Variants in EEF1E1 observed in about 807,000 individuals in gnomAD.
The protein encoded by EEF1E1 is eukaryotic translation elongation factor 1 epsilon 1.
In EEF1E1, 19 loss-of-function variants were observed where a neutral mutation model predicts 19.9. The observed-to-expected ratio is 0.95, with a 90% CI of 0.66 to 1.40. EEF1E1 has a LOEUF of 1.40. Ranked by LOEUF, EEF1E1 falls within the 40% of genes most tolerant of loss-of-function variation. The pLI is 0.00. For missense variants in EEF1E1, 198 were observed against 202.2 expected (o/e 0.98, Z 0.13); for synonymous variants, 81 against 80.0 (o/e 1.01, Z -0.07).
chr6:8,086,009 G>C (rs1439878277), intron 3 of EEF1E1, among the ~76,000 whole-genome samples: 1 of 152,048 alleles, frequency 6.6e-6, no homozygotes, highest in East Asian at 1.9e-4. Context: ...TACACAGTGG[G>C]CTCTCAATAA....
intron 1 of EEF1E1, among the ~76,000 whole-genome samples, chr6:8,101,124 G>A (rs1185744622): frequency 6.8e-6 from 1 of 146,712 alleles, no homozygotes; most frequent in African/African-American, 2.5e-5. Context: ...TACTTGGGAG[G>A]CTGAAGCAGA....
At chr6:8,089,291 G>A (rs1034377330) in intron 3 of EEF1E1, among the ~76,000 whole-genome samples, 2 of 152,188 alleles carry the variant, frequency 1.3e-5, no homozygotes, top group Non-Finnish European at 2.9e-5. Flanking sequence ...AAAGAGCTAA[G>A]ATAAGCGGTG....
intron 1 of EEF1E1, 109 bp downstream of exon 1, chr6:8,102,326 G>A: frequency 8.7e-7 from 1 of 1,154,388 alleles, no homozygotes; most frequent in Admixed American, 2.8e-5. Flanking sequence ...GAGCTGGGTA[G>A]CAGCATCCTC....
downstream of EEF1E1, among the ~76,000 whole-genome samples, chr6:8,077,915 C>T (rs1457063221): frequency 1.1e-4 from 17 of 152,280 alleles, no homozygotes; most frequent in Middle Eastern, 3.4e-3. Flanking sequence ...CCTCAGCCTC[C>T]CAAGTAGCTG....
At chr6:8,094,883 C>T (rs1417864294) in intron 2 of EEF1E1, among the ~76,000 whole-genome samples, 2 of 152,080 alleles carry the variant, frequency 1.3e-5, no homozygotes, top group Admixed American at 6.5e-5. Context: ...AAACGTATTC[C>T]CTCCGCCTTA....
intron 3 of EEF1E1, among the ~76,000 whole-genome samples, chr6:8,087,599 C>T (rs914098664): frequency 7.9e-5 from 12 of 151,794 alleles, no homozygotes; most frequent in African/African-American, 2.2e-4. Flanking sequence ...GTGATCTGCC[C>T]GCCTTGGCCT....
At chr6:8,079,340 A>G, downstream of EEF1E1, 2 of 892,980 alleles carry the variant, frequency 2.2e-6, no homozygotes, top group South Asian at 1.0e-4. Context: ...GCAGTTCAGT[A>G]GTTAGTTTCA....
intron 1 of EEF1E1, chr6:8,101,816 C>G: frequency 3.1e-6 from 4 of 1,289,392 alleles, no homozygotes; most frequent in Non-Finnish European, 2.0e-6. Context: ...AACTGATAAT[C>G]CAAGGCTTTA....
At chr6:8,076,376 T>C (rs867501239), downstream of EEF1E1, among the ~76,000 whole-genome samples, 1 of 152,164 alleles carries the variant, frequency 6.6e-6, no homozygotes, top group Non-Finnish European at 1.5e-5. Flanking sequence ...CAGGCTGGAG[T>C]GCAGTGGCTT....
chr6:8,081,323 C>T (rs991938577), intron 3 of EEF1E1, among the ~76,000 whole-genome samples: 11 of 152,140 alleles, frequency 7.2e-5, no homozygotes, highest in African/African-American at 2.7e-4. Flanking sequence ...ACTGTCTCAC[C>T]TATAACATAG....
At chr6:8,086,224 A>G (rs947171011) in intron 3 of EEF1E1, among the ~76,000 whole-genome samples, 3 of 152,126 alleles carry the variant, frequency 2.0e-5, no homozygotes, top group Non-Finnish European at 1.5e-5. Flanking sequence ...TTGCGGGGTG[A>G]GGGGAAACTA....
At chr6:8,102,319 C>T in intron 1 of EEF1E1, 116 bp downstream of exon 1, 2 of 1,096,494 alleles carry the variant, frequency 1.8e-6, no homozygotes, top group South Asian at 1.6e-5. Context: ...ACGTGGGGAG[C>T]TGGGTAGCAG....
At chr6:8,080,538 A>G (rs142527995) in intron 3 of EEF1E1, among the ~76,000 whole-genome samples, 1,598 of 152,278 alleles carry the variant, frequency 0.01, 32 homozygotes, top group African/African-American at 0.036. Context: ...ATAAAGCTGA[A>G]CTCAATCTTT....
intron 1 of EEF1E1, among the ~76,000 whole-genome samples, chr6:8,099,808 C>T (rs1488288058): frequency 2.2e-5 from 3 of 136,404 alleles, no homozygotes; most frequent in Non-Finnish European, 4.8e-5. Context: ...AAAACAGAAC[C>T]CTCTATAATG....
downstream of EEF1E1, chr6:8,078,639 C>T: frequency 1.6e-6 from 2 of 1,218,230 alleles, no homozygotes; most frequent in Non-Finnish European, 2.1e-6. Flanking sequence ...CCTGTGCCCA[C>T]ACACCTGGCC....
intron 2 of EEF1E1, among the ~76,000 whole-genome samples, chr6:8,091,173 T>A (rs1216823956): frequency 6.6e-6 from 1 of 152,204 alleles, no homozygotes; most frequent in African/African-American, 2.4e-5. Context: ...TTTCTTCATA[T>A]CCTCACCAAC....
intron 3 of EEF1E1, 138 bp from the exon 4 acceptor site, chr6:8,080,168 G>T: frequency 1.1e-6 from 1 of 904,128 alleles, no homozygotes; most frequent in Non-Finnish European, 1.7e-6. Context: ...AACATATTCA[G>T]ATAGGAGTAA....
intron 2 of EEF1E1, chr6:8,095,376 A>G (rs1305491635): frequency 9.4e-6 from 4 of 423,684 alleles, no homozygotes; most frequent in South Asian, 6.5e-5. Context: ...GGTGGTGCAC[A>G]CCTGTAATCC....
chr6:8,079,421 C>T lies in EEF1E1; in HGVS notation c.*469G>A, dbSNP rs796796345. 20 of 988,796 alleles carry T rather than the reference C, an allele frequency of 2.0e-5. No homozygotes were observed. The African/African-American group carries it at 3.3e-4, about 16-fold the overall frequency. 61.3% of individuals were successfully genotyped at this position (988,796 alleles called of 1,614,324 possible). Reference sequence around the variant, plus strand: ...ATTTTTTCAACCACATTTACTAGCTCACATAAATATTTTAAAACAAATCCA... The same window carrying T: ...ATTTTTTCAACCACATTTACTAGCTTACATAAATATTTTAAAACAAATCCA... On this transcript the variant is annotated 3_prime_UTR_variant, in exon 4 of 4. Transcript: ENST00000379715.
Sources: gnomAD v4.1 joint callset for allele counts (sites outside exome capture counted in the v4.1 genomes callset) on GRCh38, gnomAD v4.1.1 for gene constraint, MANE v1.5 for transcripts, NCBI Gene and HGNC (gene_info 2026-07-23, HGNC 2026-07-21) for gene names.